The following NRXN3 variants were observed in gnomAD, a reference collection of about 807,000 sequenced individuals.
The protein encoded by NRXN3 is neurexin III.
NRXN3 carries 32 observed loss-of-function variants against 137.6 expected under a neutral mutation model. That is an observed-to-expected ratio of 0.23 (90% CI 0.18 to 0.31). The LOEUF (loss-of-function observed/expected upper bound fraction) is 0.31. Among genes scored for constraint, NRXN3 ranks in the 10% least tolerant of loss-of-function variants. The pLI is 1.00. For missense variants in NRXN3, 1,574 were observed against 2,062.5 expected, an observed-to-expected ratio of 0.76 and a Z score of 4.59; for synonymous variants, 798 against 784.5, an observed-to-expected ratio of 1.02 and a Z score of -0.29.
chr14:79,835,953 G>T (rs568849393), intron 20 of NRXN3, among the ~76,000 whole-genome samples: 72 of 152,204 alleles, frequency 4.7e-4, no homozygotes, highest in African/African-American at 1.7e-3. Flanking sequence ...TTAAATCCTG[G>T]CATGCGTAGA....
chr14:79,279,963 T>G (rs2153440435), intron 15 of NRXN3: 1 of 1,145,938 alleles, frequency 8.7e-7, no homozygotes, highest in African/African-American at 1.6e-5. Context: ...TGCCTAGAGA[T>G]CCGGAGGAAG....
chr14:78,214,623 C>T (rs1245238231), intron 1 of NRXN3, among the ~76,000 whole-genome samples: 1 of 152,062 alleles, frequency 6.6e-6, no homozygotes, highest in Non-Finnish European at 1.5e-5. Context: ...AGTGGATATT[C>T]GATCAGTAAA....
chr14:78,566,355 A>G (rs981902518), intron 4 of NRXN3, among the ~76,000 whole-genome samples: 1 of 151,602 alleles, frequency 6.6e-6, no homozygotes, highest in African/African-American at 2.4e-5. Flanking sequence ...CTATGGAAGC[A>G]GAACTACCCC....
intron 10 of NRXN3, among the ~76,000 whole-genome samples, chr14:78,846,353 C>A (rs1215271247): frequency 6.6e-6 from 1 of 152,056 alleles, no homozygotes; most frequent in Non-Finnish European, 1.5e-5. Context: ...TTCTTTTATA[C>A]CTGATCAGGT....
intron 15 of NRXN3, among the ~76,000 whole-genome samples, chr14:79,131,026 C>A (rs897009103): frequency 6.6e-6 from 1 of 152,214 alleles, no homozygotes; most frequent in African/African-American, 2.4e-5. Flanking sequence ...GCTTTCAGCT[C>A]CATCAGCTCC....
intron 16 of NRXN3, among the ~76,000 whole-genome samples, chr14:79,473,031 T>A (rs2096528720): frequency 6.6e-6 from 1 of 152,172 alleles, no homozygotes. Flanking sequence ...ATTATGAGCC[T>A]TTCAGGAACA....
chr14:78,260,711 A>G (rs1884169923), intron 2 of NRXN3, among the ~76,000 whole-genome samples: 10 of 152,200 alleles, frequency 6.6e-5, no homozygotes, highest in Admixed American at 6.5e-4. Context: ...GTCTGCTGCC[A>G]TGTGAGATGT....
chr14:79,758,603 T>C (rs995889067), intron 19 of NRXN3, among the ~76,000 whole-genome samples: 1 of 152,124 alleles, frequency 6.6e-6, no homozygotes, highest in African/African-American at 2.4e-5. Context: ...AGGGGACAAA[T>C]ATCCAAACTA....
At chr14:79,727,474 A>G (rs775130508) in intron 19 of NRXN3, among the ~76,000 whole-genome samples, 1 of 152,208 alleles carries the variant, frequency 6.6e-6, no homozygotes, top group Non-Finnish European at 1.5e-5. Context: ...AGCAAGGGAC[A>G]GTAATTGCAA....
At chr14:78,371,678 T>TGCTC (rs1237622944) in intron 4 of NRXN3, among the ~76,000 whole-genome samples, 1 of 152,250 alleles carries the variant, frequency 6.6e-6, no homozygotes, top group Non-Finnish European at 1.5e-5. Context: ...CTCGCCTGTG[T>TGCTC]GCTCCATCCC....
chr14:79,673,589 G>T (rs917320226), intron 17 of NRXN3, among the ~76,000 whole-genome samples: 2 of 152,024 alleles, frequency 1.3e-5, no homozygotes, highest in African/African-American at 4.8e-5. Flanking sequence ...CCTCATCACC[G>T]GGGTAGCTCT....
intron 15 of NRXN3, among the ~76,000 whole-genome samples, chr14:79,078,972 A>G (rs1290790726): frequency 6.6e-6 from 1 of 152,154 alleles, no homozygotes; most frequent in East Asian, 1.9e-4. Flanking sequence ...TTCTGTCACC[A>G]GTCCTTATAA....
At chr14:78,813,100 T>C (rs1162266839) in intron 10 of NRXN3, among the ~76,000 whole-genome samples, 7 of 152,318 alleles carry the variant, frequency 4.6e-5, no homozygotes, top group African/African-American at 1.7e-4. Flanking sequence ...GTTGATATAT[T>C]ATGCAGAAGA....
At chr14:79,116,788 C>G (rs1316816514) in intron 15 of NRXN3, among the ~76,000 whole-genome samples, 1 of 152,142 alleles carries the variant, frequency 6.6e-6, no homozygotes, top group African/African-American at 2.4e-5. Flanking sequence ...ATCCTGTTGT[C>G]TTGATAATAT....
chr14:78,381,309 T>C (rs1187703368), intron 4 of NRXN3, among the ~76,000 whole-genome samples: 1 of 152,138 alleles, frequency 6.6e-6, no homozygotes, highest in Non-Finnish European at 1.5e-5. Flanking sequence ...AATTAAAAAC[T>C]TTTGCTTTAA....
intron 14 of NRXN3, among the ~76,000 whole-genome samples, chr14:78,986,031 C>T (rs943318252): frequency 3.9e-5 from 6 of 152,168 alleles, no homozygotes; most frequent in African/African-American, 4.8e-5. Flanking sequence ...ATGGCCTGTC[C>T]TGCTTCCACC....
chr14:78,898,489 C>A (rs561290693), intron 10 of NRXN3, among the ~76,000 whole-genome samples: 36 of 151,280 alleles, frequency 2.4e-4, no homozygotes, highest in Non-Finnish European at 4.3e-4. Context: ...GAGACAGGAA[C>A]CATTTACATT....
intron 6 of NRXN3, among the ~76,000 whole-genome samples, chr14:78,664,329 C>T (rs2097863977): frequency 6.6e-6 from 1 of 152,146 alleles, no homozygotes; most frequent in Non-Finnish European, 1.5e-5. Context: ...AATGAACTTT[C>T]CCCTCCTCTC....
intron 15 of NRXN3, among the ~76,000 whole-genome samples, chr14:79,172,560 G>T (rs2061892414): frequency 6.6e-6 from 1 of 152,006 alleles, no homozygotes; most frequent in Non-Finnish European, 1.5e-5. Flanking sequence ...AAAATACCTA[G>T]GAGTACATTT....
Sources: allele counts gnomAD v4.1 joint callset (sites outside exome capture counted in the v4.1 genomes callset), GRCh38; gene constraint gnomAD v4.1.1; transcripts MANE v1.5; gene names NCBI Gene and HGNC (gene_info 2026-07-23, HGNC 2026-07-21).